The following BCAS3 variants were observed in gnomAD, a reference collection of about 807,000 sequenced individuals.
BCAS3 encodes BCAS3 microtubule associated cell migration factor.
Under a neutral mutation model 116.1 loss-of-function variants are expected in BCAS3, and 53 were observed. The ratio of observed to expected loss-of-function variants is 0.46; its 90% confidence interval spans 0.37 to 0.57. The LOEUF is 0.57. Ranked by LOEUF, BCAS3 falls within the 20% of genes least tolerant of loss-of-function variation. The pLI, the probability that BCAS3 is intolerant of heterozygous loss-of-function variation, is 0.00. For missense variants in BCAS3, 917 were observed against 1,165.4 expected (o/e 0.79, Z 3.10); for synonymous variants, 391 against 408.2 (o/e 0.96, Z 0.51).
chr17:61,328,219 A>G (rs1353899656), intron 22 of BCAS3, among the ~76,000 whole-genome samples: 5 of 152,346 alleles, frequency 3.3e-5, no homozygotes, highest in African/African-American at 1.2e-4. Context: ...AACAATGTGT[A>G]TAATATGATC....
chr17:61,368,541 CCTGTTGGTGCAGA>C lies in BCAS3; in HGVS notation c.2593+48_2593+60del, dbSNP rs1447588330. 6.5e-7 allele frequency: 1 copy of C among 1,536,708 alleles called. No individual in the cohort carries two copies. Among genetic ancestry groups the C allele is most frequent in the African/African-American group, 1.4e-5 (1 of 73,348 alleles). On this transcript the variant is annotated intron_variant, in intron 23 of 23. Coordinates refer to ENST00000407086, the MANE Select transcript of BCAS3 (RefSeq NM_017679.5). This position sits in a 1 kb window ranked among gnomAD's most constrained non-coding sequence, Gnocchi z 6.0. ...TAGCCTGATTTGGTCAGGACCAGCA[CCTGTTGGTGCAGA>C]GCTTCTCTGGAATCGTTTGTGGGCA...
intron 22 of BCAS3, among the ~76,000 whole-genome samples, chr17:61,172,957 C>T (rs1017518443): frequency 6.6e-6 from 1 of 151,316 alleles, no homozygotes; most frequent in Non-Finnish European, 1.5e-5. Flanking sequence ...CACTGCACTC[C>T]AGCCTGGGCG....
intron 14 of BCAS3, among the ~76,000 whole-genome samples, chr17:60,978,614 T>C (rs568037091): frequency 6.6e-6 from 1 of 152,268 alleles, no homozygotes; most frequent in East Asian, 1.9e-4. Context: ...TAGGTTTTCT[T>C]CTAGGGTTTT....
intron 16 of BCAS3, 47 bp downstream of exon 16, chr17:61,015,948 T>G (rs2145534228): frequency 6.5e-7 from 1 of 1,543,438 alleles, no homozygotes; most frequent in Admixed American, 1.9e-5. Context: ...TTTATAGGGT[T>G]GAATGAATAA....
intron 6 of BCAS3, among the ~76,000 whole-genome samples, chr17:60,777,499 G>A (rs549836738): frequency 7.1e-4 from 108 of 152,006 alleles, no homozygotes; most frequent in African/African-American, 2.3e-3. Context: ...GGTGGTGGGC[G>A]CCTGTAATCC....
Position 61,362,907 on chromosome 17 carries a change from C to G in BCAS3, c.2426-5420C>G, listed in dbSNP as rs1251170787. 1 of 152,210 alleles carries G rather than the reference C, an allele frequency of 6.6e-6. No individual in the cohort carries two copies. Among genetic ancestry groups the G allele is most frequent in the Non-Finnish European group, 1.5e-5 (1 of 68,038 alleles). 9.4% of individuals were successfully genotyped at this position (152,210 alleles called of 1,614,324 possible). A position where few individuals can be genotyped will look rare whatever the true frequency, so the allele number is the denominator to read the frequency against. Reference sequence around the variant, plus strand: ...TCTCTTTTAATTTTAACTCCACTTTCTGCCTACTCTGACCCTAGATATTCA... The same window carrying G: ...TCTCTTTTAATTTTAACTCCACTTTGTGCCTACTCTGACCCTAGATATTCA... On this transcript the variant is annotated intron_variant, in intron 22 of 23. Coordinates refer to ENST00000407086, the MANE Select transcript of BCAS3 (RefSeq NM_017679.5). The surrounding 1 kb of genome is among the most constrained non-coding windows in gnomAD (Gnocchi z 4.4).
chr17:60,801,498 TTA>T (rs1213297883), intron 6 of BCAS3, among the ~76,000 whole-genome samples: 26 of 152,080 alleles, frequency 1.7e-4, no homozygotes, highest in Admixed American at 1.7e-3. Context: ...TGCTGCCTTA[TTA>T]TACTAGATAG....
intron 22 of BCAS3, among the ~76,000 whole-genome samples, chr17:61,192,945 C>A (rs969412656): frequency 3.3e-5 from 5 of 152,086 alleles, no homozygotes; most frequent in African/African-American, 1.2e-4. Context: ...ACTGAGTAGC[C>A]CAGAAAAAAC....
chr17:60,869,972 A>C lies in BCAS3; in HGVS notation c.584+1289A>C, dbSNP rs114188185. 5.3e-3 allele frequency among the ~76,000 whole-genome samples: 803 copies of C among 152,306 alleles called. 8 individuals are homozygous for C. Among genetic ancestry groups the C allele is most frequent in the African/African-American group, 0.019 (771 of 41,558 alleles). On this transcript the variant is annotated intron_variant, in intron 8 of 23. Transcript: ENST00000407086. Reference sequence around the variant, plus strand: ...TTTCTCTTATTTACTTTCCTCTTTAATTTAAAATGTTTGCTCCATTTTAAA... The same window carrying C: ...TTTCTCTTATTTACTTTCCTCTTTACTTTAAAATGTTTGCTCCATTTTAAA...
rs1379840333 is a variant in BCAS3 at position 61,244,289 on chromosome 17, A to T, written c.2426-124038A>T. On this transcript the variant is annotated intron_variant, in intron 22 of 23. Transcript: ENST00000407086. This position sits in a 1 kb window ranked among gnomAD's most constrained non-coding sequence, Gnocchi z 4.9. ...TTCTTCTATGCATTTGTATACACAC[A>T]TATATACGCTATTGTTTGTAAAATG... 6.6e-6 allele frequency among the ~76,000 whole-genome samples: 1 copy of T among 152,184 alleles called. No individual in the cohort carries two copies. The highest frequency in any genetic ancestry group is 2.4e-5 in the African/African-American group (1 of 41,446).
intron 22 of BCAS3, among the ~76,000 whole-genome samples, chr17:61,287,023 T>C (rs1333860592): frequency 6.7e-6 from 1 of 149,874 alleles, no homozygotes; most frequent in Non-Finnish European, 1.5e-5. Context: ...CTGAGGTGGG[T>C]GGATCACAAG....
At chr17:61,350,088 A>G (rs751564387) in intron 22 of BCAS3, among the ~76,000 whole-genome samples, 3 of 152,104 alleles carry the variant, frequency 2.0e-5, no homozygotes, top group Non-Finnish European at 4.4e-5. Flanking sequence ...CCTCTAAGGA[A>G]CTTAGGGACC....
At chr17:60,765,537 G>A (rs997168072) in intron 6 of BCAS3, among the ~76,000 whole-genome samples, 6 of 152,184 alleles carry the variant, frequency 3.9e-5, no homozygotes, top group African/African-American at 7.2e-5. Context: ...CTTCTGGCTT[G>A]TAGAGTTTCT....
chr17:60,727,138 A>T (rs7221801), intron 5 of BCAS3: 501,871 of 543,706 alleles, frequency 0.92, 240,878 homozygotes, highest in Non-Finnish European at 0.99. Flanking sequence ...TTTTCTCTTC[A>T]AAATTAAAAG....
intron 13 of BCAS3, among the ~76,000 whole-genome samples, chr17:60,925,128 C>G (rs1293803040): frequency 1.3e-5 from 2 of 151,884 alleles, no homozygotes; most frequent in African/African-American, 4.8e-5. Context: ...ACTATGCTGC[C>G]CAGGCTGGTC....
At chr17:61,046,025 AT>A (rs2068213875) in intron 19 of BCAS3, among the ~76,000 whole-genome samples, 1 of 11,798 alleles carries the variant, frequency 8.5e-5, no homozygotes, top group African/African-American at 6.5e-4. Flanking sequence ...TATATATATT[AT>A]ATATATATTT....
chr17:61,388,599 A>G lies in BCAS3; in HGVS notation c.2594-3378A>G. 6.5e-7 allele frequency: 1 copy of G among 1,531,116 alleles called. No individual in the cohort carries two copies. Among genetic ancestry groups the G allele is most frequent in the Non-Finnish European group, 8.7e-7 (1 of 1,144,848 alleles). 94.8% of individuals were successfully genotyped at this position (1,531,116 alleles called of 1,614,324 possible). On this transcript the variant is annotated intron_variant, in intron 23 of 23. Transcript: ENST00000407086. The surrounding 1 kb of genome is among the most constrained non-coding windows in gnomAD (Gnocchi z 6.5). ...ATATCTTTTCCAAAAAGATTCCTCA[A>G]TGCTTTTCTTTTCAAAAGGGAAAAA...
intron 22 of BCAS3, among the ~76,000 whole-genome samples, chr17:61,160,332 G>A (rs190853447): frequency 2.8e-4 from 42 of 151,908 alleles, no homozygotes; most frequent in African/African-American, 1.0e-3. Context: ...CCCTCCACTA[G>A]TCATATAGTG....
chr17:60,737,326 C>A (rs1045960374), intron 5 of BCAS3, among the ~76,000 whole-genome samples: 2 of 152,124 alleles, frequency 1.3e-5, no homozygotes, highest in African/African-American at 2.4e-5. Context: ...TTTTATTCAT[C>A]ATTTCAAAGA....
Sources: gnomAD v4.1 joint callset for allele counts (sites outside exome capture counted in the v4.1 genomes callset) on GRCh38, gnomAD v4.1.1 for gene constraint, Gnocchi (gnomAD v3.1) non-coding constraint, MANE v1.5 for transcripts, NCBI Gene and HGNC (gene_info 2026-07-23, HGNC 2026-07-21) for gene names.